Variants in NFIL3 observed in about 807,000 individuals in gnomAD.
NFIL3 encodes nuclear factor interleukin-3-regulated protein.
In NFIL3, 5 loss-of-function variants were observed where a neutral mutation model predicts 10.0. The ratio of observed to expected loss-of-function variants is 0.50; its 90% confidence interval spans 0.26 to 1.06. The LOEUF (loss-of-function observed/expected upper bound fraction) is 1.06, where lower values mean the gene tolerates loss of function less well. NFIL3 is among the 50% of genes least tolerant of loss of function. NFIL3 has a pLI of 0.13. For missense variants in NFIL3, 436 were observed against 547.6 expected, an observed-to-expected ratio of 0.80 and a Z score of 2.03; for synonymous variants, 202 against 206.5, an observed-to-expected ratio of 0.98 and a Z score of 0.19.
At chr9:91,435,958 G>A in the NFIL3 span, among the ~76,000 whole-genome samples, 1 of 152,096 alleles carries the variant, frequency 6.6e-6, no homozygotes, top group East Asian at 1.9e-4. Context: ...AACACAGACC[G>A]ATTTTGGCTA....
chr9:91,451,489 C>G, the NFIL3 span, among the ~76,000 whole-genome samples: 1 of 152,176 alleles, frequency 6.6e-6, no homozygotes, highest in Non-Finnish European at 1.5e-5. Flanking sequence ...CAGATAATAG[C>G]TTCACTGGGA....
the NFIL3 span, among the ~76,000 whole-genome samples, chr9:91,478,992 T>C: frequency 1.3e-5 from 2 of 152,180 alleles, no homozygotes; most frequent in South Asian, 2.1e-4. Context: ...AACACAAAGA[T>C]TGCTGCATGT....
chr9:91,438,332 T>C, the NFIL3 span, among the ~76,000 whole-genome samples: 1 of 152,150 alleles, frequency 6.6e-6, no homozygotes, highest in Non-Finnish European at 1.5e-5. Context: ...TCTATTCAGG[T>C]TCTTTGTTCA....
the NFIL3 span, among the ~76,000 whole-genome samples, chr9:91,440,053 G>A: frequency 1.3e-5 from 2 of 152,136 alleles, no homozygotes; most frequent in African/African-American, 4.8e-5. Context: ...AGTATTTCCT[G>A]TAGCCCTATT....
At chr9:91,468,645 T>C in the NFIL3 span, among the ~76,000 whole-genome samples, 1 of 152,218 alleles carries the variant, frequency 6.6e-6, no homozygotes, top group Non-Finnish European at 1.5e-5. Context: ...TGCCTAGGTT[T>C]TCTTCTAGGG....
At chr9:91,454,419 T>C in the NFIL3 span, among the ~76,000 whole-genome samples, 1 of 151,562 alleles carries the variant, frequency 6.6e-6, no homozygotes, top group African/African-American at 2.4e-5. Flanking sequence ...TTTTTGACTC[T>C]GAAAAAAAAA....
the NFIL3 span, among the ~76,000 whole-genome samples, chr9:91,479,624 T>C: frequency 6.6e-6 from 1 of 152,316 alleles, no homozygotes; most frequent in South Asian, 2.1e-4. Context: ...CTTGGCTCCC[T>C]GGCTTCAGCC....
chr9:91,416,680 T>C (rs930453497), intron 1 of NFIL3, among the ~76,000 whole-genome samples: 1 of 152,226 alleles, frequency 6.6e-6, no homozygotes, highest in Non-Finnish European at 1.5e-5. Flanking sequence ...TACCTACCAG[T>C]TGACATATTT....
the NFIL3 span, among the ~76,000 whole-genome samples, chr9:91,467,756 A>G: frequency 2.0e-5 from 3 of 148,352 alleles, no homozygotes; most frequent in East Asian, 5.9e-4. Context: ...CTCATTGTTC[A>G]ATTCCCACCT....
At chr9:91,435,395 A>G in the NFIL3 span, among the ~76,000 whole-genome samples, 6,484 of 152,230 alleles carry the variant, frequency 0.043, 180 homozygotes, top group Middle Eastern at 0.14. Flanking sequence ...ATCAAATTTT[A>G]TCTTAATTTG....
At chr9:91,459,721 ATTTG>A in the NFIL3 span, among the ~76,000 whole-genome samples, 1 of 152,020 alleles carries the variant, frequency 6.6e-6, no homozygotes, top group Non-Finnish European at 1.5e-5. Flanking sequence ...AAAAGAAAAT[ATTTG>A]TTTATGTATT....
chr9:91,427,534 G>T (rs1833884216), upstream of NFIL3, among the ~76,000 whole-genome samples: 1 of 152,194 alleles, frequency 6.6e-6, no homozygotes, highest in African/African-American at 2.4e-5. Context: ...TCTTTCCACT[G>T]TAGTATGTTT....
the NFIL3 span, among the ~76,000 whole-genome samples, chr9:91,432,657 G>A: frequency 2.8e-3 from 272 of 98,166 alleles, no homozygotes; most frequent in African/African-American, 6.7e-3. Flanking sequence ...CAGTGAAGTT[G>A]TTTAGGTTTT....
the NFIL3 span, among the ~76,000 whole-genome samples, chr9:91,473,856 C>T: frequency 2.0e-5 from 3 of 152,240 alleles, no homozygotes; most frequent in African/African-American, 4.8e-5. Context: ...ATCTCCAATT[C>T]TCTGAGATTT....
At chr9:91,468,089 C>G in the NFIL3 span, among the ~76,000 whole-genome samples, 1 of 152,190 alleles carries the variant, frequency 6.6e-6, no homozygotes, top group Admixed American at 6.5e-5. Context: ...ATTTCCAGTT[C>G]TAGATCCTTG....
chr9:91,474,298 G>A, the NFIL3 span, among the ~76,000 whole-genome samples: 1 of 152,036 alleles, frequency 6.6e-6, no homozygotes, highest in Non-Finnish European at 1.5e-5. Context: ...ATGAATTCCA[G>A]TTGTTCATAG....
the NFIL3 span, among the ~76,000 whole-genome samples, chr9:91,434,152 T>A: frequency 1.3e-5 from 2 of 152,174 alleles, no homozygotes; most frequent in Admixed American, 1.3e-4. Flanking sequence ...CAGTGACTCA[T>A]GCGTATAATA....
intron 1 of NFIL3, among the ~76,000 whole-genome samples, chr9:91,412,109 A>C (rs1199600121): frequency 6.7e-6 from 1 of 150,120 alleles, no homozygotes; most frequent in African/African-American, 2.5e-5. Flanking sequence ...AAAAAAAAAA[A>C]AAAAAAAAAA....
chr9:91,472,964 T>C, the NFIL3 span, among the ~76,000 whole-genome samples: 4 of 152,202 alleles, frequency 2.6e-5, no homozygotes, highest in African/African-American at 9.6e-5. Context: ...GTCAGGACCC[T>C]CAGCTGCAGG....
Sources: allele counts gnomAD v4.1 joint callset (sites outside exome capture counted in the v4.1 genomes callset), GRCh38; gene constraint gnomAD v4.1.1; transcripts MANE v1.5; gene names NCBI Gene and HGNC (gene_info 2026-07-23, HGNC 2026-07-21).